The following CACNA2D3 variants were observed in gnomAD, a reference collection of about 807,000 sequenced individuals.
CACNA2D3 encodes voltage-dependent calcium channel subunit alpha-2/delta-3.
CACNA2D3 carries 60 observed loss-of-function variants against 160.6 expected under a neutral mutation model. The ratio of observed to expected loss-of-function variants is 0.37; its 90% CI spans 0.30 to 0.46. The LOEUF (loss-of-function observed/expected upper bound fraction) is 0.46, where lower values mean the gene tolerates loss of function less well. Among genes scored for constraint, CACNA2D3 ranks in the 20% least tolerant of loss-of-function variants. CACNA2D3 has a pLI of 1.00. For synonymous variants in CACNA2D3, 558 were observed against 492.9 expected (o/e 1.13, Z -1.75); for missense variants, 1,205 against 1,365.0 (o/e 0.88, Z 1.85).
chr3:54,820,952 A>C (rs577645243), intron 14 of CACNA2D3, among the ~76,000 whole-genome samples: 2 of 152,310 alleles, frequency 1.3e-5, no homozygotes, highest in South Asian at 4.1e-4. Context: ...CTGCAGGATT[A>C]ATTTAATCAA....
intron 9 of CACNA2D3, among the ~76,000 whole-genome samples, chr3:54,620,834 A>G (rs1344813916): frequency 6.6e-6 from 1 of 152,192 alleles, no homozygotes; most frequent in Non-Finnish European, 1.5e-5. Context: ...GCCTACATGT[A>G]AAATAAGAAT....
At chr3:54,774,007 C>T (rs1401791379) in intron 13 of CACNA2D3, among the ~76,000 whole-genome samples, 2 of 152,198 alleles carry the variant, frequency 1.3e-5, no homozygotes, top group Non-Finnish European at 2.9e-5. Flanking sequence ...CTATCCTCTG[C>T]CATACACCAA....
At chr3:54,707,132 G>A (rs1207646020) in intron 11 of CACNA2D3, among the ~76,000 whole-genome samples, 2 of 152,184 alleles carry the variant, frequency 1.3e-5, no homozygotes, top group African/African-American at 4.8e-5. Flanking sequence ...GAAAATTATT[G>A]TCATTAGAGC....
intron 14 of CACNA2D3, among the ~76,000 whole-genome samples, chr3:54,832,039 A>ACACT: frequency 6.7e-6 from 1 of 149,280 alleles, no homozygotes; most frequent in Non-Finnish European, 1.5e-5. Context: ...ACACACACAC[A>ACACT]CACACACACA....
chr3:54,499,486 A>C (rs1390303440), intron 4 of CACNA2D3, among the ~76,000 whole-genome samples: 2 of 152,078 alleles, frequency 1.3e-5, no homozygotes, highest in African/African-American at 2.4e-5. Flanking sequence ...TAGTTTTCTA[A>C]AGTAGAAGCT....
intron 35 of CACNA2D3, among the ~76,000 whole-genome samples, chr3:55,025,827 T>C (rs1703553367): frequency 1.3e-5 from 2 of 152,008 alleles, no homozygotes; most frequent in African/African-American, 4.8e-5. Flanking sequence ...AGGATTTTCC[T>C]TTCCAAGCTT....
At chr3:54,678,450 C>CG (rs1368279091) in intron 11 of CACNA2D3, among the ~76,000 whole-genome samples, 6 of 151,998 alleles carry the variant, frequency 3.9e-5, no homozygotes, top group Non-Finnish European at 1.5e-5. Flanking sequence ...TGGCCGGGCG[C>CG]GGTGGCTCAC....
At position 54,918,620 on chromosome 3, in the gene CACNA2D3, C is replaced by G. The variant is rs767446962; in HGVS notation, c.2449+18752C>G. On this transcript the variant is annotated intron_variant, in intron 27 of 37. Coordinates refer to ENST00000474759, the MANE Select transcript of CACNA2D3 (RefSeq NM_018398.3). ...AGACACACAATCCCACACACAACGCCAGTGATGATGACAGTGGCAATGGCA... is the reference window on the plus strand; with the variant it reads ...AGACACACAATCCCACACACAACGCGAGTGATGATGACAGTGGCAATGGCA... 6.8e-6 allele frequency: 11 copies of G among 1,614,166 alleles called. No individual in the cohort carries two copies. The South Asian group carries it at 8.8e-5, about 13-fold the overall frequency.
intron 27 of CACNA2D3, among the ~76,000 whole-genome samples, chr3:54,959,699 C>T (rs1285420702): frequency 2.0e-5 from 3 of 151,884 alleles, no homozygotes; most frequent in African/African-American, 4.8e-5. Context: ...CAATGAAGCC[C>T]GAGGCTTAAA....
chr3:54,500,810 G>A (rs1416606872), intron 4 of CACNA2D3, among the ~76,000 whole-genome samples: 1 of 152,108 alleles, frequency 6.6e-6, no homozygotes, highest in Admixed American at 6.6e-5. Flanking sequence ...TACTTCATCT[G>A]TAGTGCAGGT....
chr3:54,871,639 C>T lies in CACNA2D3; in HGVS notation c.1710+17C>T, dbSNP rs200445544. On this transcript the variant is annotated intron_variant, in intron 18 of 37. Transcript: ENST00000474759. ...GATGACGTGGTAAGTGATTTGTTTT[C>T]AGGCCTCGTGGAGAAGGACCTGCAT... is the stretch of plus-strand genomic sequence containing the variant. The T allele has an allele frequency of 1.1e-4, 177 of 1,592,646 alleles. No homozygotes were observed. Among genetic ancestry groups the T allele is most frequent in the Non-Finnish European group, 1.4e-4 (160 of 1,160,740 alleles).
At chr3:54,311,896 A>G (rs1432590518) in intron 2 of CACNA2D3, among the ~76,000 whole-genome samples, 1 of 152,200 alleles carries the variant, frequency 6.6e-6, no homozygotes, top group Non-Finnish European at 1.5e-5. Context: ...GATTGGGTTA[A>G]TGAATTTATC....
At chr3:54,966,552 C>T (rs1299537195) in intron 27 of CACNA2D3, among the ~76,000 whole-genome samples, 1 of 152,218 alleles carries the variant, frequency 6.6e-6, no homozygotes, top group East Asian at 1.9e-4. Context: ...AGCCACATGG[C>T]TCACATCTGT....
intron 2 of CACNA2D3, among the ~76,000 whole-genome samples, chr3:54,229,472 C>T (rs376267882): frequency 2.6e-5 from 4 of 152,084 alleles, no homozygotes; most frequent in Non-Finnish European, 5.9e-5. Context: ...GGATTACAGG[C>T]GTGAGCCACC....
At chr3:54,349,908 G>A (rs1028085459) in intron 3 of CACNA2D3, among the ~76,000 whole-genome samples, 6 of 152,220 alleles carry the variant, frequency 3.9e-5, no homozygotes, top group Non-Finnish European at 8.8e-5. Context: ...TATGCTGGCT[G>A]CCATGACGTA....
In CACNA2D3 at chr3:55,015,982, C is replaced by T. The variant is rs79040834; in HGVS notation, c.2876-2224C>T. Among the ~76,000 whole-genome samples the T allele has an allele frequency of 9.8e-3, 1,487 of 152,274 alleles. 24 individuals are homozygous for T. Among genetic ancestry groups the T allele is most frequent in the African/African-American group, 0.034 (1,422 of 41,556 alleles). Reference sequence around the variant, plus strand: ...TCTGAAAGGCAAGAAACAAATGTGTCGTAAGGGACAGAGGTTCTCACATTT... The same window carrying T: ...TCTGAAAGGCAAGAAACAAATGTGTTGTAAGGGACAGAGGTTCTCACATTT... On this transcript the variant is annotated intron_variant, in intron 34 of 37. Coordinates refer to ENST00000474759, the MANE Select transcript of CACNA2D3 (RefSeq NM_018398.3).
chr3:54,896,322 C>T (rs928955611), intron 25 of CACNA2D3, among the ~76,000 whole-genome samples: 22 of 152,204 alleles, frequency 1.4e-4, no homozygotes, highest in African/African-American at 5.1e-4. Flanking sequence ...TGTTTACCTT[C>T]TTTACACTTG....
chr3:54,417,231 G>C (rs921104543), intron 4 of CACNA2D3, among the ~76,000 whole-genome samples: 1 of 152,144 alleles, frequency 6.6e-6, no homozygotes, highest in South Asian at 2.1e-4. Context: ...CATTTCACTT[G>C]TTCACAGCAA....
chr3:54,785,172 T>A (rs1171056042), intron 13 of CACNA2D3, among the ~76,000 whole-genome samples: 3 of 152,238 alleles, frequency 2.0e-5, no homozygotes, highest in African/African-American at 4.8e-5. Flanking sequence ...GTCCCATTGT[T>A]AGAATATCTT....
Sources: gnomAD v4.1 joint callset for allele counts (sites outside exome capture counted in the v4.1 genomes callset) on GRCh38, gnomAD v4.1.1 for gene constraint, MANE v1.5 for transcripts, NCBI Gene and HGNC (gene_info 2026-07-23, HGNC 2026-07-21) for gene names.